Variants in PSD3 observed in about 807,000 individuals in gnomAD.
The protein encoded by PSD3 is PH and SEC7 domain-containing protein 3.
In PSD3, 49 loss-of-function variants were observed where a neutral mutation model predicts 105.5. That is an observed-to-expected ratio of 0.46 (90% CI 0.37 to 0.59). PSD3 has a LOEUF of 0.59. Ranked by LOEUF, PSD3 falls within the 20% of genes least tolerant of loss-of-function variation. The pLI is 0.00. For missense variants in PSD3, 1,561 were observed against 1,263.8 expected, an observed-to-expected ratio of 1.24 and a Z score of -3.57; for synonymous variants, 557 against 457.8, an observed-to-expected ratio of 1.22 and a Z score of -2.77.
chr8:19,063,863 C>T (rs534616718), intron 1 of PSD3, among the ~76,000 whole-genome samples: 14 of 152,152 alleles, frequency 9.2e-5, no homozygotes, highest in South Asian at 2.1e-4. Flanking sequence ...AATTCAAGGC[C>T]GGGCACAGTG....
intron 12 of PSD3, among the ~76,000 whole-genome samples, chr8:18,598,863 C>G (rs1219249362): frequency 6.6e-6 from 1 of 151,900 alleles, no homozygotes; most frequent in Non-Finnish European, 1.5e-5. Flanking sequence ...ACACTGAAAA[C>G]TATAAAACAC....
At position 18,561,008 on chromosome 8, in the gene PSD3, A is replaced by C. The variant is rs922219895; in HGVS notation, c.2785-4656T>G. 2.0e-5 allele frequency among the ~76,000 whole-genome samples: 3 copies of C among 152,178 alleles called. No individual in the cohort carries two copies. The East Asian group carries it at 5.8e-4, about 29-fold the overall frequency. Reference sequence around the variant, plus strand: ...ATTTATCCTCACAAATGCTGTCAGGAAAATCTGGAAAACTGTAAGAAGGCT... The same window carrying C: ...ATTTATCCTCACAAATGCTGTCAGGCAAATCTGGAAAACTGTAAGAAGGCT... On this transcript the variant is annotated intron_variant, in intron 14 of 15. Coordinates refer to ENST00000327040, the MANE Select transcript of PSD3 (RefSeq NM_015310.4).
intron 9 of PSD3, among the ~76,000 whole-genome samples, chr8:18,740,339 A>G (rs1804468734): frequency 6.6e-6 from 1 of 151,938 alleles, no homozygotes; most frequent in African/African-American, 2.4e-5. Flanking sequence ...CCTCAACTGC[A>G]CCCTTTCTGT....
rs1295812545 is a variant in PSD3, at chr8:18,528,897, C to G, written c.*6846G>C. ...AGGGAAATGCATTTTAGTTCGGTTCCTTTCCATTTCCATCCTCGCTGTTGT... is the reference window on the plus strand; with the variant it reads ...AGGGAAATGCATTTTAGTTCGGTTCGTTTCCATTTCCATCCTCGCTGTTGT... On this transcript the variant is annotated 3_prime_UTR_variant, in exon 16 of 16. Coordinates refer to ENST00000327040, the MANE Select transcript of PSD3 (RefSeq NM_015310.4). 6 of 152,578 alleles carry G rather than the reference C, an allele frequency of 3.9e-5. No homozygotes were observed. The highest frequency in any genetic ancestry group is 1.4e-4 in the African/African-American group (6 of 41,460). 9.5% of individuals were successfully genotyped at this position (152,578 alleles called of 1,614,324 possible). A position where few individuals can be genotyped will look rare whatever the true frequency, so the allele number is the denominator to read the frequency against.
intron 1 of PSD3, among the ~76,000 whole-genome samples, chr8:18,985,055 T>C (rs1411543474): frequency 6.6e-6 from 1 of 152,164 alleles, no homozygotes; most frequent in African/African-American, 2.4e-5. Context: ...TGTCTCAGTC[T>C]CCGGAGTAGC....
At chr8:18,962,500 T>C (rs1179713922) in intron 1 of PSD3, among the ~76,000 whole-genome samples, 2 of 152,146 alleles carry the variant, frequency 1.3e-5, no homozygotes, top group Non-Finnish European at 2.9e-5. Flanking sequence ...GATAATATTT[T>C]GGAAAAAAAA....
In PSD3 at chr8:18,538,651, A is replaced by G. The variant is rs1180873076; in HGVS notation, c.2929-2693T>C. Among the ~76,000 whole-genome samples, 6 of 152,242 alleles carry G rather than the reference A, an allele frequency of 3.9e-5. No homozygotes were observed. The East Asian group carries it at 1.2e-3, about 29-fold the overall frequency. ...AAAAGAGAATGAAGAAAAATTGTTT[A>G]GATCACTTGAAAGGGGACAAAAGGA... On this transcript the variant is annotated intron_variant, in intron 15 of 15. Coordinates refer to ENST00000327040, the MANE Select transcript of PSD3 (RefSeq NM_015310.4).
Position 18,550,225 on chromosome 8 carries a change from T to A in PSD3, c.2928+5984A>T, listed in dbSNP as rs181998236. On this transcript the variant is annotated intron_variant, in intron 15 of 15. Transcript: ENST00000327040. ...CTTCTCAGGAATGGCCCTAATTCTT[T>A]GCAATCATCTACTAAAAATGTGGCT... 2.6e-5 allele frequency among the ~76,000 whole-genome samples: 4 copies of A among 152,358 alleles called. No individual in the cohort carries two copies. The East Asian group carries it at 7.7e-4, about 29-fold the overall frequency.
chr8:19,042,954 A>G (rs1168627069), intron 1 of PSD3, among the ~76,000 whole-genome samples: 2 of 152,230 alleles, frequency 1.3e-5, no homozygotes, highest in East Asian at 3.8e-4. Context: ...CTGGCCAACA[A>G]TACGAATAGG....
Position 18,877,919 on chromosome 8 carries a change from C to T in PSD3, c.131-5186G>A, listed in dbSNP as rs190851367. On this transcript the variant is annotated intron_variant, in intron 2 of 15. Transcript: ENST00000327040. ...GTAAGTGAAATCTGGAAGTGTGAGT[C>T]TCCTCCAACCTTGTTCTTCCTTTTT... is the stretch of plus-strand genomic sequence containing the variant. Among the ~76,000 whole-genome samples, 461 of 152,262 alleles carry T rather than the reference C, an allele frequency of 3.0e-3. 1 individual carries two copies. The highest frequency in any genetic ancestry group is 0.011 in the African/African-American group (437 of 41,550).
upstream of PSD3, among the ~76,000 whole-genome samples, chr8:19,018,375 G>A (rs181491308): frequency 0.015 from 2,336 of 151,674 alleles, 29 homozygotes; most frequent in Non-Finnish European, 0.025. Context: ...AAAAAAATGA[G>A]GCATAAGGGA....
At chr8:18,723,250 G>A (rs1563200193) in intron 9 of PSD3, among the ~76,000 whole-genome samples, 1 of 152,166 alleles carries the variant, frequency 6.6e-6, no homozygotes, top group Admixed American at 6.5e-5. Flanking sequence ...AAGCCCAGGT[G>A]TAACGATCAA....
At chr8:18,813,301 G>A (rs535019243) in intron 4 of PSD3, among the ~76,000 whole-genome samples, 6 of 152,242 alleles carry the variant, frequency 3.9e-5, no homozygotes, top group South Asian at 2.1e-4. Flanking sequence ...ACAAGCACTC[G>A]TGGAAGACCA....
chr8:18,773,725 T>G (rs1807767308), intron 8 of PSD3, among the ~76,000 whole-genome samples: 1 of 152,166 alleles, frequency 6.6e-6, no homozygotes, highest in Non-Finnish European at 1.5e-5. Flanking sequence ...TTTTGACTAT[T>G]CTGGGCCCTT....
chr8:18,867,383 A>G (rs1019624428), intron 4 of PSD3, among the ~76,000 whole-genome samples: 24 of 152,166 alleles, frequency 1.6e-4, no homozygotes, highest in African/African-American at 5.8e-4. Context: ...CTCTGCCATC[A>G]TCGGAGCTGA....
intron 9 of PSD3, among the ~76,000 whole-genome samples, chr8:18,736,444 A>C (rs1389651545): frequency 6.6e-6 from 1 of 152,236 alleles, no homozygotes; most frequent in Non-Finnish European, 1.5e-5. Flanking sequence ...TGTGTTTATT[A>C]GTATACATAT....
At chr8:18,780,845 C>T (rs1007693209) in intron 8 of PSD3, among the ~76,000 whole-genome samples, 8 of 152,158 alleles carry the variant, frequency 5.3e-5, no homozygotes, top group African/African-American at 1.4e-4. Flanking sequence ...TGAGCCACCG[C>T]GCCTGGCCCA....
chr8:18,766,816 C>T (rs191710452), intron 8 of PSD3, among the ~76,000 whole-genome samples: 20 of 152,322 alleles, frequency 1.3e-4, no homozygotes, highest in Admixed American at 2.0e-4. Flanking sequence ...CACAGAGCAA[C>T]CTGAATAGGG....
chr8:18,629,025 C>T (rs1806700850), intron 11 of PSD3, among the ~76,000 whole-genome samples: 1 of 151,748 alleles, frequency 6.6e-6, no homozygotes, highest in South Asian at 2.1e-4. Flanking sequence ...AAAAGCGAGA[C>T]CCACCAATAT....
Sources: allele counts gnomAD v4.1 joint callset (sites outside exome capture counted in the v4.1 genomes callset), GRCh38; gene constraint gnomAD v4.1.1; transcripts MANE v1.5; gene names NCBI Gene and HGNC (gene_info 2026-07-23, HGNC 2026-07-21).